Variants in PIK3R5 observed in about 807,000 individuals in gnomAD.
PIK3R5 encodes the protein phosphoinositide 3-kinase regulatory subunit 5.
In PIK3R5, 32 loss-of-function variants were observed where a neutral mutation model predicts 94.9. That is an observed-to-expected ratio of 0.34 (90% CI 0.25 to 0.45). The LOEUF (loss-of-function observed/expected upper bound fraction) is 0.45. Among genes scored for constraint, PIK3R5 ranks in the 20% least tolerant of loss-of-function variants. The pLI, the probability that PIK3R5 is intolerant of heterozygous loss-of-function variation, is 1.00. For missense variants in PIK3R5, 853 were observed against 1,144.6 expected, an observed-to-expected ratio of 0.75 and a Z score of 3.68; for synonymous variants, 443 against 479.4, an observed-to-expected ratio of 0.92 and a Z score of 0.99.
chr17:8,920,041 A>G (rs73253055), intron 1 of PIK3R5, among the ~76,000 whole-genome samples: 2,043 of 151,684 alleles, frequency 0.013, 40 homozygotes, highest in African/African-American at 0.047. Context: ...GCACCACCAT[A>G]CCAGGCTAAT....
Position 8,956,713 on chromosome 17 carries a change from A to G in PIK3R5, c.-14+8883T>C, listed in dbSNP as rs112239375. ...TGGTACAGAAGTGAATGCACAGTGC[A>G]AAGACCTATGAAACATTGACGTGAA... On this transcript the variant is annotated intron_variant, in intron 1 of 18. Transcript: ENST00000447110. Among the ~76,000 whole-genome samples the G allele has an allele frequency of 8.4e-3, 1,282 of 152,350 alleles. 18 individuals are homozygous for G. The highest frequency in any genetic ancestry group is 0.029 in the African/African-American group (1,203 of 41,574).
Position 8,904,753 on chromosome 17 carries a change from C to T in PIK3R5, c.412+24G>A, listed in dbSNP as rs188926373. ...TTCTGACCTTCTGAGCCCTGTCCCCCGTGCCAGCTGCCTCAGTGCTTACCT... is the reference window on the plus strand; with the variant it reads ...TTCTGACCTTCTGAGCCCTGTCCCCTGTGCCAGCTGCCTCAGTGCTTACCT... On this transcript the variant is annotated intron_variant, in intron 5 of 18. Coordinates refer to ENST00000447110, the MANE Select transcript of PIK3R5 (RefSeq NM_001142633.3). This position sits in a 1 kb window ranked among gnomAD's most constrained non-coding sequence, Gnocchi z 5.1. 6 of 1,612,800 alleles carry T rather than the reference C, an allele frequency of 3.7e-6. No homozygotes were observed. Among genetic ancestry groups the T allele is most frequent in the South Asian group, 2.2e-5 (2 of 91,008 alleles).
chr17:8,943,843 T>G (rs1447906397), intron 1 of PIK3R5, among the ~76,000 whole-genome samples: 1 of 150,268 alleles, frequency 6.7e-6, no homozygotes, highest in Non-Finnish European at 1.5e-5. Flanking sequence ...AAATTGACAA[T>G]AATTCTGAAA....
At position 8,887,577 on chromosome 17, in the gene PIK3R5, G is replaced by A. The variant is rs753605297; in HGVS notation, c.1723C>T (p.Pro575Ser). The A allele has an allele frequency of 6.2e-7, 1 of 1,609,362 alleles. No individual in the cohort carries two copies. The highest frequency in any genetic ancestry group is 8.5e-7 in the Non-Finnish European group (1 of 1,178,048). Residue 575 changes from proline (P) to serine (S), a missense_variant, in exon 11 of 19, where the codon CCT (proline) becomes TCT (serine). Around this residue, in one of 6 missense-constraint regions of PIK3R5, gnomAD observed 319 missense variants for 339.8 expected, o/e 0.94. Transcript: ENST00000447110. ...GGGGGTGAGGGCGTCTGGCTCCGAG[G>A]GGGTGGACAGGCACCAGGGCTGGTC... ...HGTSPGACPP[P>S]RSQTPSPPTD...
At position 8,893,379 on chromosome 17, in the gene PIK3R5, G is replaced by A. The variant is rs374574298; in HGVS notation, c.482+207C>T. Among the ~76,000 whole-genome samples the A allele has an allele frequency of 9.9e-5, 15 of 152,144 alleles. No individual in the cohort carries two copies. The highest frequency in any genetic ancestry group is 2.9e-4 in the African/African-American group (12 of 41,424). ...CTCTTTAAGAATCTGGTGAAAGACC[G>A]TCAGCCTAGAAAAACACACCTGGAC... On this transcript the variant is annotated intron_variant, in intron 6 of 18. Transcript: ENST00000447110. This position sits in a 1 kb window ranked among gnomAD's most constrained non-coding sequence, Gnocchi z 5.1.
rs1223266822 is a variant in PIK3R5, at chr17:8,935,302, C to T, written c.-13-23795G>A. Among the ~76,000 whole-genome samples, 3 of 152,160 alleles carry T rather than the reference C, an allele frequency of 2.0e-5. No individual in the cohort carries two copies. The highest frequency in any genetic ancestry group is 2.1e-4 in the South Asian group (1 of 4,824). On this transcript the variant is annotated intron_variant, in intron 1 of 18. Transcript: ENST00000447110. This position sits in a 1 kb window ranked among gnomAD's most constrained non-coding sequence, Gnocchi z 4.5. The stretch of plus-strand genomic sequence containing the variant: ...CTGGAAAGTTACATGAGTGTGCAAA[C>T]GAAAGCCCCGCCCAAATATAGGCCC...
intron 5 of PIK3R5, among the ~76,000 whole-genome samples, chr17:8,902,727 T>C (rs2090313928): frequency 6.6e-6 from 1 of 152,224 alleles, no homozygotes; most frequent in African/African-American, 2.4e-5. Context: ...TCCAGGCTAA[T>C]ACAACCTATT....
intron 1 of PIK3R5, among the ~76,000 whole-genome samples, chr17:8,929,827 G>C (rs190401164): frequency 2.0e-5 from 3 of 152,002 alleles, no homozygotes; most frequent in East Asian, 1.9e-4. Flanking sequence ...GACATGGAAG[G>C]GGGTGAGGGA....
intron 1 of PIK3R5, among the ~76,000 whole-genome samples, chr17:8,918,351 G>A (rs2090669242): frequency 1.3e-5 from 2 of 152,314 alleles, no homozygotes; most frequent in Admixed American, 6.5e-5. Flanking sequence ...GAAAAACCAT[G>A]GGGAGTGTCA....
chr17:8,890,319 G>C lies in PIK3R5; in HGVS notation c.658-193C>G, dbSNP rs1343496277. On this transcript the variant is annotated intron_variant, in intron 7 of 18. Coordinates refer to ENST00000447110, the MANE Select transcript of PIK3R5 (RefSeq NM_001142633.3). The surrounding 1 kb of genome is among the most constrained non-coding windows in gnomAD (Gnocchi z 6.1). ...CCATTCTCAGGAAATGGTCAGGAGA[G>C]AAAGATCCAGAGCCACGGCACTGCA... 6.6e-6 allele frequency among the ~76,000 whole-genome samples: 1 copy of C among 152,148 alleles called. No individual in the cohort carries two copies. Among genetic ancestry groups the C allele is most frequent in the African/African-American group, 2.4e-5 (1 of 41,438 alleles).
chr17:8,958,263 C>A (rs1284258980), intron 1 of PIK3R5, among the ~76,000 whole-genome samples: 6 of 145,860 alleles, frequency 4.1e-5, no homozygotes, highest in African/African-American at 1.5e-4. Flanking sequence ...CCACTGCACT[C>A]CAGAGTGAGA....
chr17:8,947,089 CATGGG>C (rs11276805), intron 1 of PIK3R5, among the ~76,000 whole-genome samples: 121,179 of 151,452 alleles, frequency 0.8, 48,814 homozygotes, highest in Non-Finnish European at 0.86. Flanking sequence ...GAGAGAAGCG[CATGGG>C]ATGGGATCAC....
rs1233917705 is a variant in PIK3R5, at chr17:8,884,110, C to T, written c.2205+597G>A. Among the ~76,000 whole-genome samples the T allele has an allele frequency of 6.6e-6, 1 of 152,176 alleles. No individual in the cohort carries two copies. The highest frequency in any genetic ancestry group is 1.5e-5 in the Non-Finnish European group (1 of 68,020). The stretch of plus-strand genomic sequence containing the variant: ...TGAGGCCTAGGCTTCCCTGCTCAAC[C>T]CCTCTTTTCCCCTGCCCAGCACAGA... On this transcript the variant is annotated intron_variant, in intron 15 of 18. Coordinates refer to ENST00000447110, the MANE Select transcript of PIK3R5 (RefSeq NM_001142633.3). The surrounding 1 kb of genome is among the most constrained non-coding windows in gnomAD (Gnocchi z 5.8).
intron 1 of PIK3R5, among the ~76,000 whole-genome samples, chr17:8,920,826 TTTTTCTTTTTTC>T (rs1165961324): frequency 1.3e-5 from 2 of 150,914 alleles, no homozygotes; most frequent in Non-Finnish European, 3.0e-5. Context: ...TAAGTATTTT[TTTTTCTTTTTTC>T]TTTTTCTTTT....
intron 6 of PIK3R5, among the ~76,000 whole-genome samples, chr17:8,891,619 G>C (rs1597379376): frequency 6.9e-6 from 1 of 145,864 alleles, no homozygotes; most frequent in South Asian, 2.2e-4. Flanking sequence ...TTTTTGAGAC[G>C]GAGTCTTGTT....
At chr17:8,946,107 G>A (rs961263127) in intron 1 of PIK3R5, among the ~76,000 whole-genome samples, 1 of 152,024 alleles carries the variant, frequency 6.6e-6, no homozygotes, top group Non-Finnish European at 1.5e-5. Flanking sequence ...CAGAATCCAC[G>A]GGCATAATAA....
chr17:8,939,597 A>G (rs2091137728), intron 1 of PIK3R5, among the ~76,000 whole-genome samples: 1 of 152,198 alleles, frequency 6.6e-6, no homozygotes, highest in African/African-American at 2.4e-5. Context: ...GTGACACGAA[A>G]ACATCTGGAT....
Position 8,893,372 on chromosome 17 carries a change from A to G in PIK3R5, c.482+214T>C, listed in dbSNP as rs577508952. ...TACAGACCTCTTTAAGAATCTGGTG[A>G]AAGACCGTCAGCCTAGAAAAACACA... On this transcript the variant is annotated intron_variant, in intron 6 of 18. Transcript: ENST00000447110. This position sits in a 1 kb window ranked among gnomAD's most constrained non-coding sequence, Gnocchi z 5.1. 7.9e-5 allele frequency among the ~76,000 whole-genome samples: 12 copies of G among 152,272 alleles called. No individual in the cohort carries two copies. Among genetic ancestry groups the G allele is most frequent in the African/African-American group, 2.9e-4 (12 of 41,556 alleles).
chr17:8,927,302 G>A (rs2090901625), intron 1 of PIK3R5, among the ~76,000 whole-genome samples: 1 of 152,214 alleles, frequency 6.6e-6, no homozygotes, highest in Non-Finnish European at 1.5e-5. Flanking sequence ...AAATTGTGGT[G>A]CCACCTCCAC....
Sources: gnomAD v4.1 joint callset for allele counts (sites outside exome capture counted in the v4.1 genomes callset) on GRCh38, gnomAD v4.1.1 for gene constraint, gnomAD v4.1.1 regional missense constraint, Gnocchi (gnomAD v3.1) non-coding constraint, MANE v1.5 for transcripts, NCBI Gene and HGNC (gene_info 2026-07-23, HGNC 2026-07-21) for gene names.